The following CR1L variants were observed in gnomAD, a reference collection of about 807,000 sequenced individuals.
CR1L encodes complement component receptor 1-like protein.
Under a neutral mutation model 62.3 loss-of-function variants are expected in CR1L, and 59 were observed. The observed-to-expected ratio is 0.95, with a 90% CI of 0.77 to 1.18. The LOEUF is 1.18. Ranked by LOEUF, CR1L falls within the 50% of genes most tolerant of loss-of-function variation. CR1L has a pLI of 0.00. For synonymous variants in CR1L, 279 were observed against 248.7 expected (o/e 1.12, Z -1.15); for missense variants, 700 against 702.8 (o/e 1.00, Z 0.04).
In CR1L at chr1:207,699,255, C is replaced by A. The variant is rs775128887; in HGVS notation, c.1209C>A (p.Ser403Arg). ...CTGGAATGGAAAGCCTTTGGAATAG[C>A]AGTGTTCCAGTGTGTGAACGTAAGT... ...VLAGMESLWN[S>R]SVPVCERKSC... Residue 403 changes from serine (S) to arginine (R), a missense_variant, in exon 8 of 12, where the codon AGC becomes AGA. Physicochemically the swap from Ser to Arg is moderately radical, Grantham distance 110. Coordinates refer to ENST00000508064, the MANE Select transcript of CR1L (RefSeq NM_175710.2). 6.2e-7 allele frequency: 1 copy of A among 1,613,726 alleles called. No individual in the cohort carries two copies. The highest frequency in any genetic ancestry group is 2.2e-5 in the East Asian group (1 of 44,888).
intron 1 of CR1L, among the ~76,000 whole-genome samples, chr1:207,660,389 G>A (rs563894042): frequency 1.3e-5 from 2 of 152,314 alleles, no homozygotes; most frequent in Non-Finnish European, 2.9e-5. Context: ...ACGCAAACAA[G>A]GTCTGGAGTG....
intron 1 of CR1L, among the ~76,000 whole-genome samples, chr1:207,663,848 T>C (rs1233249070): frequency 6.6e-6 from 1 of 152,240 alleles, no homozygotes; most frequent in African/African-American, 2.4e-5. Flanking sequence ...GACTCTTTGA[T>C]TTTCTGGAGT....
At chr1:207,716,503 AC>A (rs1220412736) in intron 10 of CR1L, among the ~76,000 whole-genome samples, 1 of 152,132 alleles carries the variant, frequency 6.6e-6, no homozygotes, top group Non-Finnish European at 1.5e-5. Flanking sequence ...ATTTTTTTAA[AC>A]CTTTTTTTTC....
At chr1:207,714,876 T>A (rs1653955148) in intron 10 of CR1L, among the ~76,000 whole-genome samples, 2 of 152,180 alleles carry the variant, frequency 1.3e-5, no homozygotes, top group Non-Finnish European at 2.9e-5. Context: ...CAGATATTCC[T>A]GGCTTTGCTT....
chr1:207,693,682 C>A (rs1664028512), intron 4 of CR1L, among the ~76,000 whole-genome samples: 1 of 151,818 alleles, frequency 6.6e-6, no homozygotes, highest in East Asian at 1.9e-4. Context: ...AGTTTTATAC[C>A]TCTTGTGTGT....
intron 10 of CR1L, among the ~76,000 whole-genome samples, chr1:207,715,902 C>T (rs2102482668): frequency 6.6e-6 from 1 of 152,142 alleles, no homozygotes; most frequent in South Asian, 2.1e-4. Flanking sequence ...GCCATATTGC[C>T]CAGGCTGGTC....
chr1:207,649,035 G>A (rs574921768), intron 1 of CR1L, among the ~76,000 whole-genome samples: 8 of 152,228 alleles, frequency 5.3e-5, no homozygotes, highest in South Asian at 2.1e-4. Context: ...GAATGGAGTC[G>A]GCCTTGTTAA....
intron 9 of CR1L, among the ~76,000 whole-genome samples, chr1:207,706,019 A>G (rs1188499294): frequency 2.6e-3 from 169 of 65,978 alleles, no homozygotes; most frequent in African/African-American, 0.013. Context: ...GTATGTATAT[A>G]TATATATATA....
intron 1 of CR1L, among the ~76,000 whole-genome samples, chr1:207,675,007 T>A (rs1663668075): frequency 6.6e-6 from 1 of 152,200 alleles, no homozygotes; most frequent in Non-Finnish European, 1.5e-5. Flanking sequence ...CTCTTCATTT[T>A]TTTTTAAGTT....
rs546787978 is a variant in CR1L at position 207,717,570 on chromosome 1, C to T, written c.1521C>T (p.His507=). 66 of 1,613,960 alleles carry T rather than the reference C, an allele frequency of 4.1e-5. No homozygotes were observed. In the African/African-American group the frequency reaches 6.1e-4, roughly 15 times the overall value. The change falls in exon 11 of 12, where the codon CAC becomes CAT. Residue 507 remains histidine, a synonymous_variant. Transcript: ENST00000508064. ...GKEVSYTCDP[H]PDRGMTFNLI... ...AAGTATCTTACACATGTGACCCCCA[C>T]CCAGACAGAGGGATGACCTTCAACC... is the stretch of plus-strand genomic sequence containing the variant.
intron 11 of CR1L, among the ~76,000 whole-genome samples, chr1:207,722,998 A>G (rs1654172392): frequency 6.6e-6 from 1 of 152,196 alleles, no homozygotes; most frequent in South Asian, 2.1e-4. Context: ...TTATATTTCT[A>G]GTATATAAAT....
chr1:207,702,943 C>T (rs763984452), intron 9 of CR1L, among the ~76,000 whole-genome samples: 3 of 152,062 alleles, frequency 2.0e-5, no homozygotes, highest in South Asian at 2.1e-4. Flanking sequence ...ATTAACCAGG[C>T]GTTGTGGCGG....
chr1:207,656,980 A>T, intron 1 of CR1L: 1 of 504,752 alleles, frequency 2.0e-6, no homozygotes, highest in South Asian at 2.8e-5. Flanking sequence ...ATATTTGCTC[A>T]TAGAAACCTT....
rs1377629314 is a variant in CR1L at position 207,697,768 on chromosome 1, C to G, written c.1040-3C>G. The G allele has an allele frequency of 6.2e-7, 1 of 1,613,856 alleles. No individual in the cohort carries two copies. The highest frequency in any genetic ancestry group is 1.1e-5 in the South Asian group (1 of 91,072). On this transcript the variant is annotated splice_polypyrimidine_tract_variant and splice_region_variant and intron_variant, in intron 6 of 11. Transcript: ENST00000508064. ...ATTTCTGTTCGTTTTTCTTTTTTTC[C>G]AGTGAAATCCTGTGATGACTTCCTG...
At chr1:207,717,235 A>C (rs1050322932) in intron 10 of CR1L, among the ~76,000 whole-genome samples, 1 of 152,188 alleles carries the variant, frequency 6.6e-6, no homozygotes, top group Non-Finnish European at 1.5e-5. Flanking sequence ...AGCTACCTGG[A>C]TGGTCCAAAA....
chr1:207,663,717 C>T (rs547882688), intron 1 of CR1L, among the ~76,000 whole-genome samples: 5 of 152,216 alleles, frequency 3.3e-5, no homozygotes, highest in Admixed American at 6.5e-5. Context: ...TCTTCTGTGT[C>T]GCTCACACTG....
chr1:207,658,846 G>A (rs907533442), intron 1 of CR1L: 7 of 152,406 alleles, frequency 4.6e-5, no homozygotes, highest in African/African-American at 1.7e-4. Context: ...CAGCATCTGG[G>A]AGATGGACAG....
rs966477532 is a variant in CR1L, at chr1:207,655,192, A to G, written c.97+9862A>G. 1.3e-4 allele frequency: 83 copies of G among 620,272 alleles called. 1 individual carries two copies. The Admixed American group carries it at 1.9e-3, about 15-fold the overall frequency. The allele number at this position is 620,272 out of a possible 1,614,324, so 38.4% of individuals were successfully genotyped here. On this transcript the variant is annotated intron_variant, in intron 1 of 11. Coordinates refer to ENST00000508064, the MANE Select transcript of CR1L (RefSeq NM_175710.2). ...TAACCCTTTCTTTTCCCATTTAGTT[A>G]TTACTTAATTGGTAAAGAAATTCTA... is the stretch of plus-strand genomic sequence containing the variant.
rs574438364 is a variant in CR1L at position 207,677,415 on chromosome 1, C to G, written c.124C>G (p.Pro42Ala). 1.2e-6 allele frequency: 2 copies of G among 1,611,894 alleles called. No individual in the cohort carries two copies. Among genetic ancestry groups the G allele is most frequent in the South Asian group, 2.2e-5 (2 of 90,832 alleles). ...TCAATGCAATGTCCCGGAATGGCTT[C>G]CATTTGCCAGGCCTACCAACCTAAC... ...SDQCNVPEWL[P>A]FARPTNLTDD... Residue 42 changes from proline (P) to alanine (A), a missense_variant, in exon 2 of 12, where the codon CCA becomes GCA. By Grantham distance (27) the Pro-to-Ala change is conservative. Transcript: ENST00000508064.
Sources: allele counts gnomAD v4.1 joint callset (sites outside exome capture counted in the v4.1 genomes callset), GRCh38; gene constraint gnomAD v4.1.1; transcripts MANE v1.5; gene names NCBI Gene and HGNC (gene_info 2026-07-23, HGNC 2026-07-21).